Variants in RGS7 observed in about 807,000 individuals in gnomAD.
The protein encoded by RGS7 is regulator of G-protein signaling 7.
A neutral mutation model predicts 81.1 loss-of-function variants in RGS7; 27 were observed. The observed-to-expected ratio is 0.33, with a 90% CI of 0.25 to 0.46. The LOEUF is 0.46. Ranked by LOEUF, RGS7 falls within the 20% of genes least tolerant of loss-of-function variation. RGS7 has a pLI of 1.00. For synonymous variants in RGS7, 208 were observed against 207.7 expected (o/e 1.00, Z -0.01); for missense variants, 396 against 607.4 (o/e 0.65, Z 3.66).
rs374964474 is a variant in RGS7, at chr1:241,032,722, A to G, written c.176-49593T>C. Among the ~76,000 whole-genome samples, 36 of 152,070 alleles carry G rather than the reference A, an allele frequency of 2.4e-4. No homozygotes were observed. In the South Asian group the frequency reaches 6.8e-3, roughly 29 times the overall value. On this transcript the variant is annotated intron_variant, in intron 3 of 18. Coordinates refer to ENST00000440928, the MANE Select transcript of RGS7 (RefSeq NM_001364886.1). Reference sequence around the variant, plus strand: ...CACGTCCTTCGTTACATATATTCCTATTTATTTTATTTTGTAGTTATTGTA... The same window carrying G: ...CACGTCCTTCGTTACATATATTCCTGTTTATTTTATTTTGTAGTTATTGTA...
chr1:241,007,880 A>G (rs1572235407), intron 3 of RGS7, among the ~76,000 whole-genome samples: 2 of 152,312 alleles, frequency 1.3e-5, no homozygotes, highest in South Asian at 4.1e-4. Flanking sequence ...GCAACACCCA[A>G]CTGTGCGGGC....
chr1:241,103,208 T>C (rs1349775552), intron 2 of RGS7, among the ~76,000 whole-genome samples: 3 of 152,198 alleles, frequency 2.0e-5, no homozygotes, highest in Non-Finnish European at 2.9e-5. Context: ...CACACGCATA[T>C]ATATGCATGT....
intron 2 of RGS7, among the ~76,000 whole-genome samples, chr1:241,152,162 TG>T (rs1392170673): frequency 6.7e-6 from 1 of 149,780 alleles, no homozygotes. Flanking sequence ...AAAAGATCTT[TG>T]GGCAAGCCAA....
chr1:241,161,827 C>T (rs1342039197), intron 2 of RGS7, among the ~76,000 whole-genome samples: 1 of 151,628 alleles, frequency 6.6e-6, no homozygotes, highest in Admixed American at 6.6e-5. Context: ...AAGCGATTCT[C>T]CTGCCTCAGC....
intron 15 of RGS7, among the ~76,000 whole-genome samples, chr1:240,805,450 C>T (rs984816662): frequency 6.6e-6 from 1 of 152,084 alleles, no homozygotes; most frequent in African/African-American, 2.4e-5. Context: ...TATTTTTCTT[C>T]TTAAGTTTCA....
chr1:241,294,472 A>G lies in RGS7; in HGVS notation c.78+61227T>C, dbSNP rs1464445757. ...CAATAAAATAATTTTAAAAAATGTA[A>G]AAGTCAAAAGCTACAGTAAGCTAAG... On this transcript the variant is annotated intron_variant, in intron 2 of 18. Transcript: ENST00000440928. 2.0e-5 allele frequency among the ~76,000 whole-genome samples: 3 copies of G among 152,262 alleles called. No individual in the cohort carries two copies. The East Asian group carries it at 5.8e-4, about 29-fold the overall frequency.
chr1:240,868,150 GAAAGAA>G lies in RGS7; in HGVS notation c.609+431_609+436del. ...AGAAAGAAAGAAAGAAAGAAAGAAAGAAAGAAAGGACGGAGGGAGGGAAGGACGAAG... is the reference window on the plus strand; with the variant it reads ...AGAAAGAAAGAAAGAAAGAAAGAAAGAGGACGGAGGGAGGGAAGGACGAAG... On this transcript the variant is annotated intron_variant, in intron 9 of 18. Transcript: ENST00000440928. This position sits in a 1 kb window ranked among gnomAD's most constrained non-coding sequence, Gnocchi z 5.1. 1.0e-5 allele frequency among the ~76,000 whole-genome samples: 1 copy of G among 99,578 alleles called. No homozygotes were observed. The highest frequency in any genetic ancestry group is 2.1e-4 in the East Asian group (1 of 4,774). The allele number at this position is 99,578 out of a possible 152,430, so 65.3% of individuals were successfully genotyped here.
At position 240,926,296 on chromosome 1, in the gene RGS7, C is replaced by T. The variant is rs984830757; in HGVS notation, c.385+4421G>A. ...TTGAGGTCTTATATTAATCTTTAAT[C>T]GATCTTGAGTTAGTTTTTGTATATG... On this transcript the variant is annotated intron_variant, in intron 6 of 18. Coordinates refer to ENST00000440928, the MANE Select transcript of RGS7 (RefSeq NM_001364886.1). Among the ~76,000 whole-genome samples the T allele has an allele frequency of 2.0e-5, 3 of 152,186 alleles. No individual in the cohort carries two copies. The East Asian group carries it at 5.8e-4, about 29-fold the overall frequency.
intron 2 of RGS7, among the ~76,000 whole-genome samples, chr1:241,327,597 G>C (rs1263362664): frequency 6.6e-6 from 1 of 152,158 alleles, no homozygotes; most frequent in Non-Finnish European, 1.5e-5. Flanking sequence ...ATCTGTCTGA[G>C]AGCCTGTATC....
At chr1:241,015,696 G>A (rs1278385665) in intron 3 of RGS7, among the ~76,000 whole-genome samples, 1 of 152,142 alleles carries the variant, frequency 6.6e-6, no homozygotes, top group Non-Finnish European at 1.5e-5. Flanking sequence ...TTACTATCAA[G>A]TGAATTTATG....
chr1:241,209,940 A>G (rs1305380183), intron 2 of RGS7, among the ~76,000 whole-genome samples: 1 of 152,142 alleles, frequency 6.6e-6, no homozygotes, highest in Non-Finnish European at 1.5e-5. Context: ...TCTCCATTCT[A>G]TAGGTGAAGA....
intron 3 of RGS7, among the ~76,000 whole-genome samples, chr1:241,010,605 GAAATT>G (rs367586887): frequency 3.3e-5 from 5 of 152,320 alleles, no homozygotes; most frequent in African/African-American, 9.6e-5. Context: ...GGCCAAGAGA[GAAATT>G]AAATTAAAGT....
chr1:240,950,813 A>T (rs1379003325), intron 4 of RGS7, among the ~76,000 whole-genome samples: 1 of 152,210 alleles, frequency 6.6e-6, no homozygotes, highest in Admixed American at 6.5e-5. Context: ...TGTCATTTAT[A>T]ACCACAGCAA....
chr1:241,357,125 C>T lies in RGS7; in HGVS notation c.-277G>A. ...CCGGCAGCCGCCACTCGCGCCCGCT[C>T]CCCTGGGCCGCCTCGCTGGCTCTCT... On this transcript the variant is annotated 5_prime_UTR_variant, in exon 1 of 19. Coordinates refer to ENST00000440928, the MANE Select transcript of RGS7 (RefSeq NM_001364886.1). 1 of 152,360 alleles carries T rather than the reference C, an allele frequency of 6.6e-6. No individual in the cohort carries two copies. 9.4% of individuals were successfully genotyped at this position (152,360 alleles called of 1,614,324 possible).
At chr1:241,022,799 G>A (rs1165014282) in intron 3 of RGS7, among the ~76,000 whole-genome samples, 3 of 152,122 alleles carry the variant, frequency 2.0e-5, no homozygotes, top group Non-Finnish European at 4.4e-5. Flanking sequence ...TGGTCTTAGT[G>A]AGCTGATTTT....
At chr1:241,048,031 C>A (rs1249679337) in intron 3 of RGS7, among the ~76,000 whole-genome samples, 1 of 152,066 alleles carries the variant, frequency 6.6e-6, no homozygotes, top group Non-Finnish European at 1.5e-5. Context: ...TGAGCCACTG[C>A]ACCTGGCCTG....
chr1:241,037,318 AC>A (rs760453811), intron 3 of RGS7, among the ~76,000 whole-genome samples: 2 of 152,158 alleles, frequency 1.3e-5, no homozygotes, highest in African/African-American at 4.8e-5. Flanking sequence ...TTAGCCTCTA[AC>A]TCTGGGAGAA....
intron 18 of RGS7, among the ~76,000 whole-genome samples, chr1:240,781,946 AG>A (rs1222859525): frequency 6.6e-6 from 1 of 151,450 alleles, no homozygotes; most frequent in Non-Finnish European, 1.5e-5. Context: ...ACCTGGGAGG[AG>A]GAGGTTGCAG....
intron 10 of RGS7, among the ~76,000 whole-genome samples, chr1:240,817,679 C>T (rs1157432090): frequency 2.0e-5 from 3 of 151,942 alleles, no homozygotes; most frequent in Non-Finnish European, 2.9e-5. Context: ...CTTGGCTCAC[C>T]GCAACCTCCG....
Sources: gnomAD v4.1 joint callset for allele counts (sites outside exome capture counted in the v4.1 genomes callset) on GRCh38, gnomAD v4.1.1 for gene constraint, Gnocchi (gnomAD v3.1) non-coding constraint, MANE v1.5 for transcripts, NCBI Gene and HGNC (gene_info 2026-07-23, HGNC 2026-07-21) for gene names.